ADAMTS9: variants seen among roughly 807,000 people sequenced by gnomAD.
ADAMTS9 encodes A disintegrin and metalloproteinase with thrombospondin motifs 9.
Under a neutral mutation model 257.1 loss-of-function variants are expected in ADAMTS9, and 107 were observed. That is an observed-to-expected ratio of 0.42 (90% CI 0.36 to 0.49). The LOEUF is 0.49. ADAMTS9 is among the 20% of genes least tolerant of loss of function. The probability of loss-of-function intolerance (pLI) is 0.03; values close to 1 mark genes in which losing one functional copy is unlikely to be tolerated. For missense variants in ADAMTS9, 2,353 were observed against 2,469.1 expected, an observed-to-expected ratio of 0.95 and a Z score of 1.00; for synonymous variants, 982 against 880.9, an observed-to-expected ratio of 1.11 and a Z score of -2.03.
At position 64,660,850 on chromosome 3, in the gene ADAMTS9, AG is replaced by A. The variant is rs1227666999; in HGVS notation, c.680-2060del. On this transcript the variant is annotated intron_variant, in intron 3 of 39. Transcript: ENST00000498707. ...AAAACGTTGCATGCTGAGGTTGTTA[AG>A]GTCTATGATAAGAACAAATCTTCCC... is the stretch of plus-strand genomic sequence containing the variant. 2.0e-5 allele frequency among the ~76,000 whole-genome samples: 3 copies of A among 152,334 alleles called. No homozygotes were observed. The East Asian group carries it at 5.8e-4, about 29-fold the overall frequency.
intron 38 of ADAMTS9, among the ~76,000 whole-genome samples, chr3:64,529,416 T>C (rs1156665002): frequency 6.6e-6 from 1 of 152,000 alleles, no homozygotes; most frequent in Non-Finnish European, 1.5e-5. Context: ...AAATTGAGGT[T>C]TTCATTTTTT....
At chr3:64,550,325 C>T (rs1488539363) in intron 31 of ADAMTS9, 1 of 152,118 alleles carries the variant, frequency 6.6e-6, no homozygotes, top group Non-Finnish European at 1.5e-5. Flanking sequence ...GGTTTGTTTG[C>T]CCCTTACAAT....
intron 38 of ADAMTS9, among the ~76,000 whole-genome samples, chr3:64,527,337 A>AT (rs1305918842): frequency 2.0e-5 from 3 of 152,056 alleles, no homozygotes; most frequent in East Asian, 3.9e-4. Context: ...TAATTCTTCT[A>AT]TTTTTTTCAA....
intron 31 of ADAMTS9, among the ~76,000 whole-genome samples, chr3:64,549,598 G>A (rs1219256977): frequency 1.3e-5 from 2 of 152,200 alleles, no homozygotes; most frequent in East Asian, 3.9e-4. Flanking sequence ...AGGGCATACC[G>A]AGAAGATGCA....
chr3:64,607,043 C>T lies in ADAMTS9; in HGVS notation c.3391G>A (p.Ala1131Thr). 2 of 1,613,886 alleles carry T rather than the reference C, an allele frequency of 1.2e-6. No homozygotes were observed. Among genetic ancestry groups the T allele is most frequent in the Non-Finnish European group, 1.7e-6 (2 of 1,179,812 alleles). The change falls in exon 23 of 40, where the codon GCA becomes ACA. Residue 1131 changes from alanine (A) to threonine (T), a missense_variant. By Grantham distance (58) the Ala-to-Thr change is moderately conservative. Around this residue, in one of 3 missense-constraint regions of ADAMTS9, gnomAD observed 1,402 missense variants for 1,441.4 expected, o/e 0.97. Coordinates refer to ENST00000498707, the MANE Select transcript of ADAMTS9 (RefSeq NM_182920.2). ...VTCGQGYQLR[A>T]VKCIIGTYMS... ...TAAGTCCCAATGATGCATTTCACTG[C>T]TCTTAGCTGGTATCCCTGTCCACAA...
chr3:64,658,720 C>A lies in ADAMTS9; in HGVS notation c.751G>T (p.Ala251Ser), dbSNP rs185728229. The A allele has an allele frequency of 8.1e-6, 13 of 1,614,170 alleles. No individual in the cohort carries two copies. ...CTGTTTAATGCTGCTACGTCACCAG[C>A]CAGGTTAATCCTTTCTCCCCATTTT... ...ARKWGERINL[A>S]GDVAALNSGL... is the part of the protein sequence containing the mutation. Residue 251 changes from alanine (A) to serine (S), a missense_variant, in exon 4 of 40, where the codon GCT (alanine) becomes TCT (serine). By Grantham distance (99) the Ala-to-Ser change is moderately conservative. Around this residue, in one of 3 missense-constraint regions of ADAMTS9, gnomAD observed 591 missense variants for 569.6 expected, o/e 1.04. Coordinates refer to ENST00000498707, the MANE Select transcript of ADAMTS9 (RefSeq NM_182920.2).
At chr3:64,655,986 C>T (rs952636619) in intron 4 of ADAMTS9, 111 bp from the exon 5 acceptor site, 3 of 621,568 alleles carry the variant, frequency 4.8e-6, no homozygotes, top group Non-Finnish European at 8.2e-6. Context: ...GCAACATATG[C>T]ATTTTGTGGT....
chr3:64,574,173 A>G (rs2083769598), intron 28 of ADAMTS9, among the ~76,000 whole-genome samples: 1 of 152,208 alleles, frequency 6.6e-6, no homozygotes, highest in Non-Finnish European at 1.5e-5. Flanking sequence ...TTTAGATTCA[A>G]AAAGGCCACC....
chr3:64,622,108 C>T (rs1412478811), intron 18 of ADAMTS9, 90 bp downstream of exon 18: 7 of 1,342,366 alleles, frequency 5.2e-6, no homozygotes, highest in Non-Finnish European at 5.0e-6. Flanking sequence ...GAAGGGTTTG[C>T]AGTTTGCATG....
chr3:64,629,652 T>G (rs4078282), intron 16 of ADAMTS9, among the ~76,000 whole-genome samples: 81,789 of 152,120 alleles, frequency 0.54, 23,526 homozygotes, highest in African/African-American at 0.75. Flanking sequence ...CTATGGAGTT[T>G]TCTTATCTAT....
chr3:64,594,019 G>T (rs1310704570), intron 28 of ADAMTS9, among the ~76,000 whole-genome samples: 1 of 149,598 alleles, frequency 6.7e-6, no homozygotes. Context: ...GCTAAGAAAA[G>T]GCAGCTACTT....
chr3:64,532,289 C>T (rs1415747876), intron 38 of ADAMTS9, among the ~76,000 whole-genome samples: 1 of 152,188 alleles, frequency 6.6e-6, no homozygotes, highest in Non-Finnish European at 1.5e-5. Flanking sequence ...GTATTCAGAA[C>T]ACTTGCATTA....
rs113294660 is a variant in ADAMTS9, at chr3:64,519,773, A to G, written c.*5+2393T>C. ...CCTTCATGATAAAAACCTACAAGGCATAAGACATCAAAAGAACATACCTCA... is the reference window on the plus strand; with the variant it reads ...CCTTCATGATAAAAACCTACAAGGCGTAAGACATCAAAAGAACATACCTCA... On this transcript the variant is annotated intron_variant, in intron 39 of 39. Coordinates refer to ENST00000498707, the MANE Select transcript of ADAMTS9 (RefSeq NM_182920.2). 4.5e-3 allele frequency among the ~76,000 whole-genome samples: 687 copies of G among 152,328 alleles called. 2 individuals are homozygous for G. Among genetic ancestry groups the G allele is most frequent in the African/African-American group, 0.015 (641 of 41,590 alleles).
At chr3:64,680,754 G>A (rs1701733947) in intron 3 of ADAMTS9, among the ~76,000 whole-genome samples, 1 of 152,050 alleles carries the variant, frequency 6.6e-6, no homozygotes, top group Admixed American at 6.5e-5. Context: ...TGTTTTCGTG[G>A]CTTCCATTTA....
At chr3:64,631,426 C>T (rs759388650) in intron 16 of ADAMTS9, 29 bp downstream of exon 16, 8 of 1,577,104 alleles carry the variant, frequency 5.1e-6, no homozygotes, top group Admixed American at 1.7e-5. Flanking sequence ...AGAACCAGAA[C>T]TCGCAAGTAG....
rs544114499 is a variant in ADAMTS9 at position 64,686,515 on chromosome 3, T to C, written c.516+53A>G. 4.4e-5 allele frequency: 67 copies of C among 1,521,812 alleles called. No individual in the cohort carries two copies. Among genetic ancestry groups the C allele is most frequent in the Non-Finnish European group, 5.5e-5 (62 of 1,132,456 alleles). 94.3% of individuals were successfully genotyped at this position (1,521,812 alleles called of 1,614,324 possible). A position where few individuals can be genotyped will look rare whatever the true frequency, so the allele number is the denominator to read the frequency against. ...AGGCTTAGAGGACAATTAAGTCTTC[T>C]AGAAGCGGGCGAGGAGGCGGAAGGG... On this transcript the variant is annotated intron_variant, in intron 2 of 39. Coordinates refer to ENST00000498707, the MANE Select transcript of ADAMTS9 (RefSeq NM_182920.2). This position sits in a 1 kb window ranked among gnomAD's most constrained non-coding sequence, Gnocchi z 4.6.
intron 16 of ADAMTS9, 138 bp downstream of exon 16, chr3:64,631,317 A>C (rs1700362325): frequency 2.9e-6 from 2 of 698,480 alleles, no homozygotes; most frequent in East Asian, 5.1e-5. Flanking sequence ...ACAATGGTGA[A>C]TTTTGAGAGC....
At chr3:64,526,311 A>T (rs2082909500) in intron 38 of ADAMTS9, among the ~76,000 whole-genome samples, 1 of 152,058 alleles carries the variant, frequency 6.6e-6, no homozygotes, top group South Asian at 2.1e-4. Context: ...CAACTATGAT[A>T]TATCGATAAA....
intron 30 of ADAMTS9, among the ~76,000 whole-genome samples, chr3:64,560,000 G>T (rs2083392772): frequency 6.6e-6 from 1 of 152,094 alleles, no homozygotes; most frequent in Non-Finnish European, 1.5e-5. Flanking sequence ...GAGAGATGAG[G>T]GAGTCTCCTC....
Sources: gnomAD v4.1 joint callset for allele counts (sites outside exome capture counted in the v4.1 genomes callset) on GRCh38, gnomAD v4.1.1 for gene constraint, gnomAD v4.1.1 regional missense constraint, Gnocchi (gnomAD v3.1) non-coding constraint, MANE v1.5 for transcripts, NCBI Gene and HGNC (gene_info 2026-07-23, HGNC 2026-07-21) for gene names.